INKA2: variants seen among roughly 807,000 people sequenced by gnomAD.
INKA2 encodes the protein PAK4-inhibitor INKA2.
A neutral mutation model predicts 9.8 loss-of-function variants in INKA2; 3 were observed. The ratio of observed to expected loss-of-function variants is 0.31; its 90% CI spans 0.14 to 0.79. The LOEUF is 0.79. Ranked by LOEUF, INKA2 falls within the 30% of genes least tolerant of loss-of-function variation. INKA2 has a pLI of 0.62. For synonymous variants in INKA2, 147 were observed against 143.3 expected (o/e 1.03, Z -0.18); for missense variants, 392 against 384.4 (o/e 1.02, Z -0.17).
At chr1:111,745,291 A>ATTTTT (rs1300146205) in intron 1 of INKA2, 4 of 49,360 alleles carry the variant, frequency 8.1e-5, no homozygotes, top group African/African-American at 1.9e-4. Flanking sequence ...ATATATATAT[A>ATTTTT]TATTTTTTTT....
At chr1:111,728,903 C>CTTTGTTTTTTTTTTTTT (rs1662847190) in intron 1 of INKA2, among the ~76,000 whole-genome samples, 1 of 115,572 alleles carries the variant, frequency 8.7e-6, no homozygotes, top group African/African-American at 3.4e-5. Context: ...TGGAGCTAGG[C>CTTTGTTTTTTTTTTTTT]TTTTTTTTTT....
upstream of INKA2, among the ~76,000 whole-genome samples, chr1:111,740,250 T>C (rs1663113592): frequency 6.6e-6 from 1 of 152,254 alleles, no homozygotes; most frequent in African/African-American, 2.4e-5. Flanking sequence ...GCTGACGCTC[T>C]CGCCTTTGGC....
intron 1 of INKA2, among the ~76,000 whole-genome samples, chr1:111,733,907 C>T (rs1442456276): frequency 6.6e-6 from 1 of 152,212 alleles, no homozygotes; most frequent in African/African-American, 2.4e-5. Flanking sequence ...CAGCTTTGCC[C>T]ATGAGCCTGG....
At chr1:111,750,571 G>A (rs1663385095) in intron 1 of INKA2, among the ~76,000 whole-genome samples, 1 of 152,232 alleles carries the variant, frequency 6.6e-6, no homozygotes, top group Non-Finnish European at 1.5e-5. Flanking sequence ...TGGATAAGCA[G>A]CATGTACATA....
rs567520346 is a variant in INKA2 at position 111,727,384 on chromosome 1, T to C, written c.478A>G (p.Asn160Asp). The part of the protein sequence containing the change: ...RNRQPLVLGD[N>D]VFADLVGNWL... ...TTGCCCACCAGGTCTGCAAAAACGTTGTCCCCTAACACCAGAGGCTGTCGA... is the reference window on the plus strand; with the variant it reads ...TTGCCCACCAGGTCTGCAAAAACGTCGTCCCCTAACACCAGAGGCTGTCGA... The change falls in exon 2 of 2, where the codon AAC becomes GAC. Residue 160 changes from asparagine (N) to aspartate (D), a missense_variant. Physicochemically the swap from Asn to Asp is conservative, Grantham distance 23. Coordinates refer to ENST00000357260, the MANE Select transcript of INKA2 (RefSeq NM_019099.5). The C allele has an allele frequency of 1.2e-6, 2 of 1,613,974 alleles. No homozygotes were observed.
chr1:111,742,687 C>T (rs1177750887), upstream of INKA2, among the ~76,000 whole-genome samples: 1 of 152,272 alleles, frequency 6.6e-6, no homozygotes, highest in East Asian at 1.9e-4. Flanking sequence ...AAAGCCAGCT[C>T]ACATTCCATC....
chr1:111,739,589 C>T (rs1436744225), upstream of INKA2, among the ~76,000 whole-genome samples: 1 of 152,246 alleles, frequency 6.6e-6, no homozygotes, highest in Non-Finnish European at 1.5e-5. Flanking sequence ...GGCGAGGACA[C>T]ACCTGGTCCC....
chr1:111,749,275 A>G (rs1571603149), intron 1 of INKA2, among the ~76,000 whole-genome samples: 1 of 152,234 alleles, frequency 6.6e-6, no homozygotes, highest in South Asian at 2.1e-4. Flanking sequence ...GACAACCACA[A>G]CAACAGGAAG....
Position 111,735,392 on chromosome 1 carries a change from C to T in INKA2, c.57+3794G>A, listed in dbSNP as rs140291660. Among the ~76,000 whole-genome samples, 28 of 152,236 alleles carry T rather than the reference C, an allele frequency of 1.8e-4. No homozygotes were observed. In the East Asian group the frequency reaches 3.5e-3, roughly 19 times the overall value. On this transcript the variant is annotated intron_variant, in intron 1 of 1. Coordinates refer to ENST00000357260, the MANE Select transcript of INKA2 (RefSeq NM_019099.5). ...CTATGTGTGAAAGACAAATAGTTGG[C>T]GAGGCACTTAAATTGTCATTTAATC... is the stretch of plus-strand genomic sequence containing the variant.
intron 1 of INKA2, among the ~76,000 whole-genome samples, chr1:111,752,474 T>C (rs1401171790): frequency 1.3e-5 from 2 of 152,270 alleles, no homozygotes; most frequent in Non-Finnish European, 1.5e-5. Context: ...GGCTGGTTTA[T>C]ACTAGGTGTT....
At position 111,726,288 on chromosome 1, in the gene INKA2, G is replaced by A. The variant is rs1209891572; in HGVS notation, c.*680C>T. The A allele has an allele frequency of 1.1e-5, 4 of 380,064 alleles. No homozygotes were observed. Among genetic ancestry groups the A allele is most frequent in the Non-Finnish European group, 1.9e-5 (4 of 214,826 alleles). 23.5% of individuals were successfully genotyped at this position (380,064 alleles called of 1,614,324 possible). A position where few individuals can be genotyped will look rare whatever the true frequency, so the allele number is the denominator to read the frequency against. On this transcript the variant is annotated 3_prime_UTR_variant, in exon 2 of 2. Transcript: ENST00000357260. ...TGTCAACATCCTTCCCCTGTGCATG[G>A]GGGAGACGCGGGGAGTGTCTAGGGC... is the stretch of plus-strand genomic sequence containing the variant.
At chr1:111,745,285 ATATATATATTT>A (rs1380429176) in intron 1 of INKA2, 2 of 49,178 alleles carry the variant, frequency 4.1e-5, no homozygotes, top group Admixed American at 2.4e-4. Context: ...ATATATATAT[ATATATATATTT>A]TTTTTTTTTT....
chr1:111,726,869 G>C lies in INKA2; in HGVS notation c.*99C>G. The stretch of plus-strand genomic sequence containing the variant: ...TTCTGGGGGAAAGGAACTTGGAGTT[G>C]GGCTTTCGAGAGCCATACCGCCCAC... On this transcript the variant is annotated 3_prime_UTR_variant, in exon 2 of 2. Coordinates refer to ENST00000357260, the MANE Select transcript of INKA2 (RefSeq NM_019099.5). The C allele has an allele frequency of 8.4e-7, 1 of 1,196,668 alleles. No individual in the cohort carries two copies. Among genetic ancestry groups the C allele is most frequent in the South Asian group, 1.5e-5 (1 of 68,704 alleles). The allele number at this position is 1,196,668 out of a possible 1,614,324, so 74.1% of individuals were successfully genotyped here. A position where few individuals can be genotyped will look rare whatever the true frequency, so the allele number is the denominator to read the frequency against.
rs34918562 is a variant in INKA2 at position 111,728,903 on chromosome 1, C to CTTTTTTTTTT, written c.58-1109_58-1100dup. ...CTGGGCAGTGGGCAGTGGAGCTAGGCTTTTTTTTTTTTTTTTCAAACAGGG... is the reference window on the plus strand; with the variant it reads ...CTGGGCAGTGGGCAGTGGAGCTAGGCTTTTTTTTTTTTTTTTTTTTTTTTTTCAAACAGGG... On this transcript the variant is annotated intron_variant, in intron 1 of 1. Coordinates refer to ENST00000357260, the MANE Select transcript of INKA2 (RefSeq NM_019099.5). Among the ~76,000 whole-genome samples the CTTTTTTTTTT allele has an allele frequency of 6.9e-3, 793 of 115,488 alleles. 73 individuals are homozygous for CTTTTTTTTTT. Among genetic ancestry groups the CTTTTTTTTTT allele is most frequent in the African/African-American group, 0.021 (609 of 29,268 alleles). 75.8% of individuals were successfully genotyped at this position (115,488 alleles called of 152,430 possible).
chr1:111,739,560 G>C (rs563728603), upstream of INKA2: 841 of 612,118 alleles, frequency 1.4e-3, 1 homozygote, highest in South Asian at 2.2e-3. Context: ...CACAGGACCC[G>C]GGCGCAGCCA....
intron 1 of INKA2, chr1:111,754,435 G>C (rs933140738): frequency 6.6e-6 from 1 of 152,176 alleles, no homozygotes. Flanking sequence ...TGTGTCAAGG[G>C]GGTAGGGACA....
upstream of INKA2, among the ~76,000 whole-genome samples, chr1:111,744,180 C>T (rs1227213555): frequency 6.6e-6 from 1 of 152,176 alleles, no homozygotes; most frequent in African/African-American, 2.4e-5. Context: ...ATTCCAATAC[C>T]AGGAGGGACA....
intron 1 of INKA2, chr1:111,747,140 C>T (rs1327085428): frequency 6.6e-6 from 1 of 152,320 alleles, no homozygotes; most frequent in Non-Finnish European, 1.5e-5. Context: ...GACCTCCTTC[C>T]CTTCCACTGC....
rs1662754985 is a variant in INKA2 at position 111,725,768 on chromosome 1, T to A, written c.*1200A>T. The A allele has an allele frequency of 4.5e-6, 1 of 220,754 alleles. No individual in the cohort carries two copies. Among genetic ancestry groups the A allele is most frequent in the Non-Finnish European group, 8.8e-6 (1 of 113,244 alleles). The allele number at this position is 220,754 out of a possible 1,614,324, so 13.7% of individuals were successfully genotyped here. A position where few individuals can be genotyped will look rare whatever the true frequency, so the allele number is the denominator to read the frequency against. ...TTTTTGAGACAGGGGAGTCTTGCTC[T>A]GTCAGCCAGGCTGGAGTGCAGTGGC... On this transcript the variant is annotated 3_prime_UTR_variant, in exon 2 of 2. Coordinates refer to ENST00000357260, the MANE Select transcript of INKA2 (RefSeq NM_019099.5).
Sources: gnomAD v4.1 joint callset for allele counts (sites outside exome capture counted in the v4.1 genomes callset) on GRCh38, gnomAD v4.1.1 for gene constraint, MANE v1.5 for transcripts, NCBI Gene and HGNC (gene_info 2026-07-23, HGNC 2026-07-21) for gene names.